The following IQCM variants were observed in gnomAD, a reference collection of about 807,000 sequenced individuals.
The protein encoded by IQCM is IQ motif containing M.
A neutral mutation model predicts 57.6 loss-of-function variants in IQCM; 45 were observed. The ratio of observed to expected loss-of-function variants is 0.78; its 90% confidence interval spans 0.62 to 1.00. The LOEUF is 1.00. IQCM is among the 50% of genes least tolerant of loss of function. The probability of loss-of-function intolerance (pLI) is 0.00; values close to 1 mark genes in which losing one functional copy is unlikely to be tolerated. For synonymous variants in IQCM, 148 were observed against 158.9 expected (o/e 0.93, Z 0.51); for missense variants, 468 against 511.6 (o/e 0.91, Z 0.82).
chr4:149,534,850 T>C (rs1443085408), intron 12 of IQCM, among the ~76,000 whole-genome samples: 2 of 152,072 alleles, frequency 1.3e-5, no homozygotes, highest in Non-Finnish European at 2.9e-5. Flanking sequence ...GAGGTAACCT[T>C]TTTAAAAAAA....
intron 3 of IQCM, among the ~76,000 whole-genome samples, chr4:149,739,382 T>C (rs1469320449): frequency 1.2e-4 from 19 of 152,026 alleles, no homozygotes; most frequent in Non-Finnish European, 5.9e-5. Context: ...ATATAAGCTT[T>C]CAATAAATGT....
chr4:149,654,506 T>C (rs1461953627), intron 7 of IQCM, among the ~76,000 whole-genome samples: 1 of 152,156 alleles, frequency 6.6e-6, no homozygotes, highest in African/African-American at 2.4e-5. Flanking sequence ...CCTTCCGCCA[T>C]GAGTAAAAGC....
intron 9 of IQCM, among the ~76,000 whole-genome samples, chr4:149,566,935 AAC>A (rs1457328559): frequency 6.6e-6 from 1 of 152,206 alleles, no homozygotes; most frequent in African/African-American, 2.4e-5. Context: ...TTAATCATAA[AAC>A]AGAGAAATGC....
At chr4:149,477,682 A>T (rs1740345135) in intron 12 of IQCM, among the ~76,000 whole-genome samples, 1 of 152,204 alleles carries the variant, frequency 6.6e-6, no homozygotes, top group Admixed American at 6.5e-5. Flanking sequence ...GCTAAAGCGG[A>T]ACAAAGGATA....
At chr4:149,379,643 C>T (rs1244854674) in intron 13 of IQCM, among the ~76,000 whole-genome samples, 1 of 152,174 alleles carries the variant, frequency 6.6e-6, no homozygotes, top group Non-Finnish European at 1.5e-5. Context: ...AAGTAACTAA[C>T]TTGCTTTTGA....
At chr4:149,430,408 C>T (rs1734750636) in intron 13 of IQCM, among the ~76,000 whole-genome samples, 2 of 151,828 alleles carry the variant, frequency 1.3e-5, no homozygotes, top group African/African-American at 4.8e-5. Flanking sequence ...TATTTAATAA[C>T]TTTTTACTTT....
chr4:149,457,216 T>G lies in IQCM; in HGVS notation c.1229-23659A>C, dbSNP rs1737794625. Among the ~76,000 whole-genome samples the G allele has an allele frequency of 2.0e-5, 3 of 152,134 alleles. No homozygotes were observed. In the South Asian group the frequency reaches 6.2e-4, roughly 31 times the overall value. ...CAAGAAAACTTTGAGAAACTTTCTC[T>G]GCTTTGGGATTACATTATAATTAGC... On this transcript the variant is annotated intron_variant, in intron 12 of 13. Coordinates refer to ENST00000636793, the MANE Select transcript of IQCM (RefSeq NM_001363507.2).
intron 13 of IQCM, 134 bp from the exon 14 acceptor site, chr4:149,352,200 G>T (rs773038374): frequency 2.5e-6 from 1 of 392,834 alleles, no homozygotes. Context: ...ACTGGACTTG[G>T]GCTCATTTCC....
At chr4:149,538,552 C>T (rs530338238) in intron 12 of IQCM, among the ~76,000 whole-genome samples, 42 of 151,704 alleles carry the variant, frequency 2.8e-4, no homozygotes, top group Non-Finnish European at 4.7e-4. Context: ...ATTATTGTAC[C>T]AAATATGAAT....
At chr4:149,434,372 G>A (rs921635382) in intron 12 of IQCM, among the ~76,000 whole-genome samples, 11 of 152,010 alleles carry the variant, frequency 7.2e-5, no homozygotes, top group African/African-American at 2.7e-4. Flanking sequence ...TGCCCATTGG[G>A]CCTCCAGTTT....
At chr4:149,810,722 T>C (rs746667092) in intron 2 of IQCM, among the ~76,000 whole-genome samples, 3 of 152,144 alleles carry the variant, frequency 2.0e-5, no homozygotes, top group Non-Finnish European at 4.4e-5. Context: ...ATTGCTGGGA[T>C]TACAGGCGTG....
intron 12 of IQCM, among the ~76,000 whole-genome samples, chr4:149,519,645 C>CA (rs879562468): frequency 1.3e-3 from 177 of 141,370 alleles, no homozygotes; most frequent in African/African-American, 1.8e-3. Flanking sequence ...GACTCTGTCT[C>CA]AAAAAAAAAA....
intron 12 of IQCM, among the ~76,000 whole-genome samples, chr4:149,435,607 T>C (rs190505863): frequency 1.3e-5 from 2 of 151,558 alleles, no homozygotes; most frequent in East Asian, 1.9e-4. Context: ...GCCTCAGGCA[T>C]GTCCTTCACG....
At chr4:149,497,884 T>C (rs1742837902) in intron 12 of IQCM, among the ~76,000 whole-genome samples, 1 of 152,178 alleles carries the variant, frequency 6.6e-6, no homozygotes, top group African/African-American at 2.4e-5. Context: ...CAAGTCTATA[T>C]GTTATTCCCA....
At chr4:149,650,186 T>A (rs200729159) in intron 7 of IQCM, among the ~76,000 whole-genome samples, 68,360 of 151,600 alleles carry the variant, frequency 0.45, 15,649 homozygotes, top group South Asian at 0.57. Context: ...GTCATATTGG[T>A]GCCAATACGT....
chr4:149,798,085 A>C (rs1328108387), intron 2 of IQCM, among the ~76,000 whole-genome samples: 1 of 152,076 alleles, frequency 6.6e-6, no homozygotes, highest in East Asian at 1.9e-4. Context: ...TTTTGTCATA[A>C]GTAGAAAAAC....
At chr4:149,459,836 T>C (rs997050510) in intron 12 of IQCM, among the ~76,000 whole-genome samples, 2 of 152,202 alleles carry the variant, frequency 1.3e-5, no homozygotes, top group Non-Finnish European at 2.9e-5. Context: ...CATTTACCCA[T>C]CAATAGACAT....
At chr4:149,792,095 T>A (rs1450383984) in intron 2 of IQCM, among the ~76,000 whole-genome samples, 1 of 152,138 alleles carries the variant, frequency 6.6e-6, no homozygotes, top group East Asian at 1.9e-4. Flanking sequence ...TCTATGGAAA[T>A]TGCAAAACTG....
chr4:149,667,132 G>T (rs959833239), intron 7 of IQCM, among the ~76,000 whole-genome samples: 1 of 152,118 alleles, frequency 6.6e-6, no homozygotes, highest in Non-Finnish European at 1.5e-5. Context: ...CCTCCTGTCT[G>T]GGAGACACCT....
Sources: gnomAD v4.1 joint callset for allele counts (sites outside exome capture counted in the v4.1 genomes callset) on GRCh38, gnomAD v4.1.1 for gene constraint, MANE v1.5 for transcripts, NCBI Gene and HGNC (gene_info 2026-07-23, HGNC 2026-07-21) for gene names.